CCDC178: variants seen among roughly 807,000 people sequenced by gnomAD.
CCDC178 encodes the protein coiled-coil domain containing 178, also known as coiled-coil domain-containing protein 178.
CCDC178 carries 126 observed loss-of-function variants against 117.4 expected under a neutral mutation model. That is an observed-to-expected ratio of 1.07 (90% CI 0.93 to 1.24). CCDC178 has a LOEUF of 1.24. Ranked by LOEUF, CCDC178 falls within the 50% of genes most tolerant of loss-of-function variation. CCDC178 has a pLI of 0.00. For missense variants in CCDC178, 1,030 were observed against 986.9 expected, an observed-to-expected ratio of 1.04 and a Z score of -0.59; for synonymous variants, 283 against 313.4, an observed-to-expected ratio of 0.90 and a Z score of 1.02.
chr18:33,313,659 G>A (rs1207505521), intron 11 of CCDC178, among the ~76,000 whole-genome samples: 1 of 152,138 alleles, frequency 6.6e-6, no homozygotes, highest in African/African-American at 2.4e-5. Flanking sequence ...ACTTCAGGGA[G>A]CTCTCAGGGA....
intron 15 of CCDC178, among the ~76,000 whole-genome samples, chr18:33,241,641 T>G (rs565176611): frequency 3.3e-5 from 5 of 151,590 alleles, no homozygotes; most frequent in Admixed American, 3.3e-4. Flanking sequence ...AATAAAATAC[T>G]TAAGAATGAA....
At chr18:33,150,721 G>A (rs1364550474) in intron 20 of CCDC178, among the ~76,000 whole-genome samples, 1 of 152,166 alleles carries the variant, frequency 6.6e-6, no homozygotes, top group Non-Finnish European at 1.5e-5. Flanking sequence ...ATGGAAAACA[G>A]TATGGAGAAG....
At chr18:33,280,900 C>T (rs1336014748) in intron 12 of CCDC178, among the ~76,000 whole-genome samples, 3 of 151,908 alleles carry the variant, frequency 2.0e-5, no homozygotes, top group Non-Finnish European at 4.4e-5. Flanking sequence ...GGGAATTGAA[C>T]AATGAGAACA....
intron 6 of CCDC178, among the ~76,000 whole-genome samples, chr18:33,360,325 A>C (rs2144725904): frequency 6.6e-6 from 1 of 151,280 alleles, no homozygotes; most frequent in African/African-American, 2.4e-5. Flanking sequence ...AGCCCTCTGT[A>C]CTATAGACAA....
chr18:33,019,578 A>G (rs373759894), intron 21 of CCDC178, among the ~76,000 whole-genome samples: 105 of 152,312 alleles, frequency 6.9e-4, no homozygotes, highest in African/African-American at 2.2e-3. Flanking sequence ...ATCTTTAAAT[A>G]AAACAAAAAA....
intron 9 of CCDC178, among the ~76,000 whole-genome samples, chr18:33,343,926 T>C (rs2144668670): frequency 6.6e-6 from 1 of 152,278 alleles, no homozygotes; most frequent in South Asian, 2.1e-4. Context: ...TTAGAGATTA[T>C]ATTCTACATA....
chr18:32,993,337 T>C (rs1210365442), intron 21 of CCDC178, among the ~76,000 whole-genome samples: 1 of 152,140 alleles, frequency 6.6e-6, no homozygotes, highest in African/African-American at 2.4e-5. Flanking sequence ...AGGCAGTTTA[T>C]TACCATCATG....
intron 14 of CCDC178, among the ~76,000 whole-genome samples, chr18:33,260,535 T>C (rs543654373): frequency 6.6e-6 from 1 of 151,724 alleles, no homozygotes; most frequent in Non-Finnish European, 1.5e-5. Flanking sequence ...TCTTCTCAGA[T>C]ATAGCTATAA....
intron 9 of CCDC178, among the ~76,000 whole-genome samples, chr18:33,336,298 A>C (rs776642098): frequency 1.3e-5 from 2 of 152,026 alleles, no homozygotes; most frequent in East Asian, 1.9e-4. Flanking sequence ...GGTGAGACTT[A>C]AGCTTTATTT....
chr18:33,113,804 T>G (rs567422934), intron 20 of CCDC178, among the ~76,000 whole-genome samples: 1 of 152,170 alleles, frequency 6.6e-6, no homozygotes, highest in Non-Finnish European at 1.5e-5. Context: ...GTTATAGAAA[T>G]TACAGGGTTT....
intron 22 of CCDC178, chr18:32,956,650 C>G (rs558339461): frequency 1.3e-5 from 2 of 152,152 alleles, no homozygotes; most frequent in African/African-American, 4.8e-5. Context: ...TTGTGAGGCC[C>G]AAGTTAAAAT....
chr18:33,117,654 T>C (rs907739563), intron 20 of CCDC178, among the ~76,000 whole-genome samples: 4 of 151,694 alleles, frequency 2.6e-5, no homozygotes, highest in Admixed American at 1.3e-4. Flanking sequence ...CACACCAACA[T>C]GGCACATGTA....
chr18:32,990,586 T>G (rs1303712873), intron 21 of CCDC178, among the ~76,000 whole-genome samples: 1 of 152,120 alleles, frequency 6.6e-6, no homozygotes, highest in South Asian at 2.1e-4. Context: ...CTAAATTCCA[T>G]ATGTATTAAA....
chr18:33,394,949 A>G (rs1385032431), intron 4 of CCDC178, among the ~76,000 whole-genome samples: 1,994 of 75,880 alleles, frequency 0.026, 37 homozygotes, highest in African/African-American at 0.056. Flanking sequence ...ATGTGTATAT[A>G]TATATATATA....
At chr18:33,389,359 CAA>C (rs2063535055) in intron 5 of CCDC178, among the ~76,000 whole-genome samples, 179 bp downstream of exon 5, 1 of 151,662 alleles carries the variant, frequency 6.6e-6, no homozygotes, top group Non-Finnish European at 1.5e-5. Flanking sequence ...TATACATTAA[CAA>C]TATACTATTG....
At chr18:33,051,523 T>C (rs563573655) in intron 21 of CCDC178, among the ~76,000 whole-genome samples, 2 of 152,330 alleles carry the variant, frequency 1.3e-5, no homozygotes, top group East Asian at 3.9e-4. Context: ...AAATGTTTTC[T>C]AGTGACACGA....
At chr18:33,363,769 G>T (rs965886919) in intron 6 of CCDC178, among the ~76,000 whole-genome samples, 3 of 152,170 alleles carry the variant, frequency 2.0e-5, no homozygotes, top group Admixed American at 1.3e-4. Context: ...TACAGAACAT[G>T]TAATTATGGA....
chr18:33,298,324 G>T (rs940050339), intron 11 of CCDC178, among the ~76,000 whole-genome samples: 2 of 152,132 alleles, frequency 1.3e-5, no homozygotes, highest in Non-Finnish European at 2.9e-5. Context: ...GATTCAATAT[G>T]CATGAATCAA....
At chr18:33,418,387 C>A (rs966359205) in intron 2 of CCDC178, among the ~76,000 whole-genome samples, 4 of 152,058 alleles carry the variant, frequency 2.6e-5, no homozygotes, top group African/African-American at 9.7e-5. Flanking sequence ...CATCATCATA[C>A]TGAACGGACA....
Sources: allele counts gnomAD v4.1 joint callset (sites outside exome capture counted in the v4.1 genomes callset), GRCh38; gene constraint gnomAD v4.1.1; transcripts MANE v1.5; gene names NCBI Gene and HGNC (gene_info 2026-07-23, HGNC 2026-07-21).